The following LDLRAD4 variants were observed in gnomAD, a reference collection of about 807,000 sequenced individuals.
LDLRAD4 encodes the protein low density lipoprotein receptor class A domain containing 4.
LDLRAD4 carries 5 observed loss-of-function variants against 17.0 expected under a neutral mutation model. The observed-to-expected ratio is 0.29, with a 90% CI of 0.15 to 0.62. The LOEUF is 0.62. Among genes scored for constraint, LDLRAD4 ranks in the 20% least tolerant of loss-of-function variants. LDLRAD4 has a pLI of 0.84. For missense variants in LDLRAD4, 340 were observed against 424.7 expected, an observed-to-expected ratio of 0.80 and a Z score of 1.75; for synonymous variants, 168 against 171.8, an observed-to-expected ratio of 0.98 and a Z score of 0.17.
intron 3 of LDLRAD4, among the ~76,000 whole-genome samples, chr18:13,448,538 G>A (rs916710947): frequency 2.4e-4 from 36 of 152,082 alleles, no homozygotes; most frequent in Non-Finnish European, 4.3e-4. Flanking sequence ...TCTGAGTGGC[G>A]GGGATGGAGT....
chr18:13,283,810 A>G (rs775910410), intron 1 of LDLRAD4, among the ~76,000 whole-genome samples: 2 of 152,216 alleles, frequency 1.3e-5, no homozygotes, highest in Non-Finnish European at 2.9e-5. Context: ...ATAAAGACAT[A>G]CCCGAGACTG....
chr18:13,413,149 C>T (rs574243618), intron 2 of LDLRAD4, among the ~76,000 whole-genome samples: 10 of 152,254 alleles, frequency 6.6e-5, no homozygotes, highest in South Asian at 2.1e-4. Flanking sequence ...GAGCTTGGGT[C>T]GCATGACTGT....
chr18:13,437,993 G>C (rs2090777124), intron 2 of LDLRAD4, among the ~76,000 whole-genome samples: 1 of 152,248 alleles, frequency 6.6e-6, no homozygotes, highest in Non-Finnish European at 1.5e-5. Context: ...CAGTGCCGTA[G>C]AGTGAGGCGT....
intron 1 of LDLRAD4, among the ~76,000 whole-genome samples, chr18:13,225,061 C>T (rs1446081846): frequency 6.6e-6 from 1 of 152,068 alleles, no homozygotes; most frequent in Non-Finnish European, 1.5e-5. Flanking sequence ...GTTTCTCACT[C>T]CTCACCTCAA....
At chr18:13,254,588 C>T (rs993893188) in intron 1 of LDLRAD4, among the ~76,000 whole-genome samples, 1 of 152,184 alleles carries the variant, frequency 6.6e-6, no homozygotes, top group Non-Finnish European at 1.5e-5. Flanking sequence ...ATGGTGGTTA[C>T]GGAATTGGCC....
intron 3 of LDLRAD4, among the ~76,000 whole-genome samples, chr18:13,553,224 A>G (rs1017493571): frequency 1.3e-5 from 2 of 152,202 alleles, no homozygotes; most frequent in South Asian, 4.1e-4. Context: ...TTTGTCTACA[A>G]ATAAAGGTCT....
At chr18:13,437,887 C>T (rs2090769423) in intron 2 of LDLRAD4, among the ~76,000 whole-genome samples, 1 of 152,172 alleles carries the variant, frequency 6.6e-6, no homozygotes, top group Non-Finnish European at 1.5e-5. Flanking sequence ...GGAGAACTGC[C>T]AAGGATGTTT....
At chr18:13,413,803 C>T (rs191299722) in intron 2 of LDLRAD4, among the ~76,000 whole-genome samples, 19 of 152,084 alleles carry the variant, frequency 1.2e-4, no homozygotes, top group Middle Eastern at 3.4e-3. Flanking sequence ...GGGTGGCACA[C>T]GCCTGTAATC....
chr18:13,596,701 A>G (rs1284446), intron 3 of LDLRAD4, among the ~76,000 whole-genome samples: 66,123 of 152,034 alleles, frequency 0.43, 14,322 homozygotes, highest in African/African-American at 0.45. Context: ...AAGAGATGAG[A>G]ACAAGCATCT....
intron 1 of LDLRAD4, among the ~76,000 whole-genome samples, chr18:13,360,626 C>G (rs1224445496): frequency 6.6e-6 from 1 of 152,246 alleles, no homozygotes. Context: ...TTTCTGCCTT[C>G]AAACGTACTG....
upstream of LDLRAD4, among the ~76,000 whole-genome samples, chr18:13,274,106 G>T (rs1475816383): frequency 6.6e-6 from 1 of 152,190 alleles, no homozygotes; most frequent in Non-Finnish European, 1.5e-5. Flanking sequence ...CTCCTCGGTG[G>T]CTTCCTCTTG....
chr18:13,227,067 T>G (rs1211929541), intron 1 of LDLRAD4, among the ~76,000 whole-genome samples: 1 of 152,196 alleles, frequency 6.6e-6, no homozygotes, highest in Non-Finnish European at 1.5e-5. Context: ...AGAAAATTCA[T>G]GATGGGCAGA....
At chr18:13,339,228 T>A (rs1568024071) in intron 1 of LDLRAD4, among the ~76,000 whole-genome samples, 1 of 145,040 alleles carries the variant, frequency 6.9e-6, no homozygotes, top group Non-Finnish European at 1.5e-5. Context: ...TTTTTTTTTT[T>A]AAGACTGAGT....
At chr18:13,474,298 C>T (rs549042802) in intron 3 of LDLRAD4, among the ~76,000 whole-genome samples, 1 of 152,258 alleles carries the variant, frequency 6.6e-6, no homozygotes, top group African/African-American at 2.4e-5. Context: ...GCCGCTAAGC[C>T]GTGAGGAATC....
intron 4 of LDLRAD4, among the ~76,000 whole-genome samples, chr18:13,633,689 C>G (rs2041860961): frequency 6.6e-6 from 1 of 152,256 alleles, no homozygotes; most frequent in Admixed American, 6.5e-5. Flanking sequence ...AAAATTGGAG[C>G]AGGCAGCAGG....
chr18:13,369,795 A>G (rs965543071), intron 1 of LDLRAD4, among the ~76,000 whole-genome samples: 1 of 152,212 alleles, frequency 6.6e-6, no homozygotes, highest in Non-Finnish European at 1.5e-5. Flanking sequence ...TTCTGATGCC[A>G]GGCGTCTGGT....
At chr18:13,266,155 A>G (rs2044203504) in intron 1 of LDLRAD4, among the ~76,000 whole-genome samples, 2 of 152,310 alleles carry the variant, frequency 1.3e-5, no homozygotes, top group South Asian at 4.1e-4. Context: ...TAGTTTGGAC[A>G]GTGAGTAGCA....
chr18:13,383,901 A>T (rs1599826190), intron 1 of LDLRAD4, among the ~76,000 whole-genome samples: 1 of 152,202 alleles, frequency 6.6e-6, no homozygotes, highest in South Asian at 2.1e-4. Context: ...TAGCAGTGAG[A>T]AAGAAGACTT....
chr18:13,271,334 G>A lies in LDLRAD4; in HGVS notation c.-466-6771G>A, dbSNP rs73417400. ...TAGGATCGTCCATTTCTTTGGCATC[G>A]TGACGTTAGGCGTTCAGTGCCTGTG... On this transcript the variant is annotated intron_variant, in intron 1 of 5. Coordinates refer to the LDLRAD4 transcript ENST00000399848. Among the ~76,000 whole-genome samples, 586 of 152,302 alleles carry A rather than the reference G, an allele frequency of 3.8e-3. 6 individuals carry two copies. The highest frequency in any genetic ancestry group is 0.013 in the African/African-American group (534 of 41,578).
Sources: allele counts gnomAD v4.1 joint callset (sites outside exome capture counted in the v4.1 genomes callset), GRCh38; gene constraint gnomAD v4.1.1; transcripts MANE v1.5; gene names NCBI Gene and HGNC (gene_info 2026-07-23, HGNC 2026-07-21).